The following LZTS3 variants were observed in gnomAD, a reference collection of about 807,000 sequenced individuals.
LZTS3 encodes leucine zipper tumor suppressor family member 3, also known as leucine zipper putative tumor suppressor 3.
LZTS3 carries 16 observed loss-of-function variants against 50.9 expected under a neutral mutation model. The ratio of observed to expected loss-of-function variants is 0.31; its 90% CI spans 0.21 to 0.48. LZTS3 has a LOEUF of 0.48. LZTS3 is among the 20% of genes least tolerant of loss of function. The probability of loss-of-function intolerance (pLI) is 0.99; values close to 1 mark genes in which losing one functional copy is unlikely to be tolerated. For synonymous variants in LZTS3, 408 were observed against 410.6 expected (o/e 0.99, Z 0.08); for missense variants, 816 against 931.0 (o/e 0.88, Z 1.61).
At position 3,167,136 on chromosome 20, in the gene LZTS3, G is replaced by A. The variant is rs536815584; in HGVS notation, c.28C>T (p.Arg10Cys). 59 of 1,491,690 alleles carry A rather than the reference G, an allele frequency of 4.0e-5. No homozygotes were observed. Among genetic ancestry groups the A allele is most frequent in the South Asian group, 1.4e-4 (10 of 73,588 alleles). 92.4% of individuals were successfully genotyped at this position (1,491,690 alleles called of 1,614,324 possible). A position where few individuals can be genotyped will look rare whatever the true frequency, so the allele number is the denominator to read the frequency against. The change falls in exon 3 of 5, where the codon CGC becomes TGC. Residue 10 changes from arginine to cysteine, a missense_variant. Physicochemically the swap from Arg to Cys is radical, Grantham distance 180. Around this residue, in one of 3 missense-constraint regions of LZTS3, gnomAD observed 700 missense variants for 769.4 expected, o/e 0.91. Transcript: ENST00000337576. The part of the protein sequence containing the change: MAKLETLPV[R>C]ADPGRDPLLA... ...AGAGGATCCCGCCCTGGGTCAGCGC[G>A]CACAGGCAGCGTCTCCAGCTTCGCC...
intron 1 of LZTS3, among the ~76,000 whole-genome samples, chr20:3,172,862 C>A (rs897987519): frequency 2.0e-5 from 3 of 152,086 alleles, no homozygotes; most frequent in Non-Finnish European, 2.9e-5. Context: ...GCAGAGATAT[C>A]CAGAACTTCT....
In LZTS3 at chr20:3,164,170, G is replaced by T. The variant is rs1183324912; in HGVS notation, c.*284C>A. The T allele has an allele frequency of 5.3e-6, 2 of 378,588 alleles. No individual in the cohort carries two copies. The highest frequency in any genetic ancestry group is 4.7e-6 in the Non-Finnish European group (1 of 214,830). 23.5% of individuals were successfully genotyped at this position (378,588 alleles called of 1,614,324 possible). Reference sequence around the variant, plus strand: ...TGCTGCCTCCATCTCCAACAAGGGGGTGCCGAGAAAGGGAGCATGACTCCC... The same window carrying T: ...TGCTGCCTCCATCTCCAACAAGGGGTTGCCGAGAAAGGGAGCATGACTCCC... On this transcript the variant is annotated 3_prime_UTR_variant, in exon 5 of 5. Coordinates refer to ENST00000337576, the MANE Select transcript of LZTS3 (RefSeq NM_001365618.1).
At chr20:3,171,078 C>T (rs1004020435) in intron 1 of LZTS3, among the ~76,000 whole-genome samples, 1 of 152,182 alleles carries the variant, frequency 6.6e-6, no homozygotes, top group South Asian at 2.1e-4. Context: ...TAAACCTCAA[C>T]AGTGATCATG....
chr20:3,167,874 C>T lies in LZTS3; in HGVS notation c.-155G>A, dbSNP rs2066853265. On this transcript the variant is annotated 5_prime_UTR_variant, in exon 2 of 5. Transcript: ENST00000337576. ...AGGCCCGGTCTGCAGGGGCCATGTG[C>T]CTCACTCTCGCAGTCGGGGCTCGGC... 2 of 985,324 alleles carry T rather than the reference C, an allele frequency of 2.0e-6. No individual in the cohort carries two copies. Among genetic ancestry groups the T allele is most frequent in the Non-Finnish European group, 2.4e-6 (2 of 829,856 alleles). 61.0% of individuals were successfully genotyped at this position (985,324 alleles called of 1,614,324 possible).
chr20:3,167,137 C>A lies in LZTS3; in HGVS notation c.27G>T (p.Val9=). ...GAGGATCCCGCCCTGGGTCAGCGCG[C>A]ACAGGCAGCGTCTCCAGCTTCGCCA... MAKLETLP[V]RADPGRDPLL... Residue 9 remains valine, a synonymous_variant, in exon 3 of 5, where the codon GTG becomes GTT. Transcript: ENST00000337576. The A allele has an allele frequency of 6.7e-7, 1 of 1,492,310 alleles. No individual in the cohort carries two copies. The allele number at this position is 1,492,310 out of a possible 1,614,324, so 92.4% of individuals were successfully genotyped here.
Position 3,163,102 on chromosome 20 carries a change from G to C in LZTS3, c.*1352C>G, listed in dbSNP as rs1445071876. The C allele has an allele frequency of 6.5e-6, 1 of 152,680 alleles. No homozygotes were observed. Among genetic ancestry groups the C allele is most frequent in the Admixed American group, 6.5e-5 (1 of 15,288 alleles). The allele number at this position is 152,680 out of a possible 1,614,324, so 9.5% of individuals were successfully genotyped here. On this transcript the variant is annotated 3_prime_UTR_variant, in exon 5 of 5. Transcript: ENST00000337576. The surrounding 1 kb of genome is among the most constrained non-coding windows in gnomAD (Gnocchi z 5.2). ...CCAAAACTCAGTCTTGGGGGTGGGA[G>C]GAAGAGAGTGAAAAAGAGAGAGATA...
Position 3,166,319 on chromosome 20 carries a change from G to A in LZTS3, c.501C>T (p.Val167=), listed in dbSNP as rs201603102. Residue 167 remains valine (V), a synonymous_variant, in exon 4 of 5, where the codon GTC becomes GTT. Transcript: ENST00000337576. ...PLVRPSAFKP[V]VPKNFHSMQN... is the part of the protein sequence containing the mutation. Reference sequence around the variant, plus strand: ...GCATGGAGTGGAAATTCTTGGGTACGACAGGCTTGAAGGCCGACGGCCGAA... The same window carrying A: ...GCATGGAGTGGAAATTCTTGGGTACAACAGGCTTGAAGGCCGACGGCCGAA... 471 of 1,613,744 alleles carry A rather than the reference G, an allele frequency of 2.9e-4. No individual in the cohort carries two copies. The highest frequency in any genetic ancestry group is 3.5e-4 in the Non-Finnish European group (415 of 1,179,832).
chr20:3,166,477 C>G (rs2066823333), intron 3 of LZTS3, 117 bp from the exon 4 acceptor site: 12 of 1,320,868 alleles, frequency 9.1e-6, no homozygotes, highest in Non-Finnish European at 1.2e-5. Flanking sequence ...GGATTTCCAC[C>G]CTGAGGTTCC....
chr20:3,172,523 A>G (rs1200234583), intron 1 of LZTS3, among the ~76,000 whole-genome samples: 1 of 151,992 alleles, frequency 6.6e-6, no homozygotes, highest in African/African-American at 2.4e-5. Context: ...ATGCTTCTAG[A>G]CCAGTTCAAA....
Position 3,164,898 on chromosome 20 carries a change from C to A in LZTS3, c.1578G>T (p.Pro526=). 1 of 1,551,726 alleles carries A rather than the reference C, an allele frequency of 6.4e-7. No individual in the cohort carries two copies. The highest frequency in any genetic ancestry group is 8.7e-7 in the Non-Finnish European group (1 of 1,155,054). Residue 526 remains proline, a synonymous_variant, in exon 5 of 5, where the codon CCG becomes CCT. Transcript: ENST00000337576. ...TGGCCAGAGCATCCTGTGGCTCGGC[C>A]GGGTCCACGGGGGTCAGCGCCGGCT... ...CLKPALTPVD[P]AEPQDALATC...
chr20:3,165,392 T>A lies in LZTS3; in HGVS notation c.1323+105A>T, dbSNP rs73892828. 4 of 832,474 alleles carry A rather than the reference T, an allele frequency of 4.8e-6. No homozygotes were observed. The highest frequency in any genetic ancestry group is 4.1e-5 in the African/African-American group (2 of 48,964). 51.6% of individuals were successfully genotyped at this position (832,474 alleles called of 1,614,324 possible). A position where few individuals can be genotyped will look rare whatever the true frequency, so the allele number is the denominator to read the frequency against. On this transcript the variant is annotated intron_variant, in intron 4 of 4. Transcript: ENST00000337576. The surrounding 1 kb of genome is among the most constrained non-coding windows in gnomAD (Gnocchi z 5.0). Reference sequence around the variant, plus strand: ...ATTTTTGTCCCCCCTGCTCCTTTCATCCCCCCCCCCATCCCACCGTTATGA... The same window carrying A: ...ATTTTTGTCCCCCCTGCTCCTTTCAACCCCCCCCCCATCCCACCGTTATGA...
chr20:3,167,856 G>A lies in LZTS3; in HGVS notation c.-137C>T. On this transcript the variant is annotated 5_prime_UTR_variant, in exon 2 of 5. Coordinates refer to ENST00000337576, the MANE Select transcript of LZTS3 (RefSeq NM_001365618.1). The stretch of plus-strand genomic sequence containing the variant: ...CAAGCCTGGGACCCTCCGAGGCCCG[G>A]TCTGCAGGGGCCATGTGCCTCACTC... 1.0e-6 allele frequency: 1 copy of A among 985,454 alleles called. No homozygotes were observed. Among genetic ancestry groups the A allele is most frequent in the South Asian group, 4.7e-5 (1 of 21,290 alleles). 61.0% of individuals were successfully genotyped at this position (985,454 alleles called of 1,614,324 possible). A position where few individuals can be genotyped will look rare whatever the true frequency, so the allele number is the denominator to read the frequency against.
chr20:3,170,796 CAAAT>C lies in LZTS3; in HGVS notation c.-243+2655_-243+2658del, dbSNP rs533651769. ...TGACAGAGCAAGACTCCCTCTCAAA[CAAAT>C]AAACAAAACAGAACAAAAAAAGTGG... On this transcript the variant is annotated intron_variant, in intron 1 of 4. Coordinates refer to ENST00000337576, the MANE Select transcript of LZTS3 (RefSeq NM_001365618.1). Among the ~76,000 whole-genome samples the C allele has an allele frequency of 6.9e-3, 1,044 of 152,124 alleles. 4 individuals carry two copies. Among genetic ancestry groups the C allele is most frequent in the Non-Finnish European group, 8.6e-3 (587 of 67,990 alleles).
In LZTS3 at chr20:3,165,753, C is replaced by T. The variant is rs1233693206; in HGVS notation, c.1067G>A (p.Arg356Gln). 7.6e-6 allele frequency: 12 copies of T among 1,576,782 alleles called. No homozygotes were observed. The highest frequency in any genetic ancestry group is 1.0e-5 in the Non-Finnish European group (12 of 1,168,810). Residue 356 changes from arginine to glutamine, a missense_variant, in exon 4 of 5, where the codon CGG becomes CAG. By Grantham distance (43) the Arg-to-Gln change is conservative (BLOSUM62 1). This residue lies in a region of LZTS3 where 700 missense variants were observed against 769.4 expected (regional missense o/e 0.91). Transcript: ENST00000337576. The surrounding 1 kb of genome is among the most constrained non-coding windows in gnomAD (Gnocchi z 5.0). ...CAGCTCCCGCTCCCACGCCTTCTGC[C>T]GCTCCTCCAGTACCTGGGCCACAGC... ...EAAVAQVLEERQKAWERELAE... is the reference protein window; with the variant it reads ...EAAVAQVLEEQQKAWERELAE...
rs780668328 is a variant in LZTS3, at chr20:3,167,118, C to A, written c.46G>T (p.Asp16Tyr). Residue 16 changes from aspartate to tyrosine, a missense_variant, in exon 3 of 5, where the codon GAT becomes TAT. Physicochemically the swap from Asp to Tyr is radical, Grantham distance 160. Around this residue, in one of 3 missense-constraint regions of LZTS3, gnomAD observed 700 missense variants for 769.4 expected, o/e 0.91. Coordinates refer to ENST00000337576, the MANE Select transcript of LZTS3 (RefSeq NM_001365618.1). ...CGTGGGGCAAAGGCCAGGAGAGGAT[C>A]CCGCCCTGGGTCAGCGCGCACAGGC... Reference protein sequence around the residue: ...TLPVRADPGRDPLLAFAPRPS... With the variant: ...TLPVRADPGRYPLLAFAPRPS... The A allele has an allele frequency of 6.6e-7, 1 of 1,508,602 alleles. No homozygotes were observed. The highest frequency in any genetic ancestry group is 8.8e-7 in the Non-Finnish European group (1 of 1,131,606). 93.5% of individuals were successfully genotyped at this position (1,508,602 alleles called of 1,614,324 possible).
At position 3,163,849 on chromosome 20, in the gene LZTS3, CTG is replaced by C. The variant is rs2066764882; in HGVS notation, c.*603_*604del. 1 of 152,452 alleles carries C rather than the reference CTG, an allele frequency of 6.6e-6. No homozygotes were observed. The allele number at this position is 152,452 out of a possible 1,614,324, so 9.4% of individuals were successfully genotyped here. On this transcript the variant is annotated 3_prime_UTR_variant, in exon 5 of 5. Transcript: ENST00000337576. The surrounding 1 kb of genome is among the most constrained non-coding windows in gnomAD (Gnocchi z 5.2). ...CACACACTCACAACCAGGCCAGGCTCTGAGGCCTGAGTCCAAGAGATCTTGTT... is the reference window on the plus strand; with the variant it reads ...CACACACTCACAACCAGGCCAGGCTCAGGCCTGAGTCCAAGAGATCTTGTT...
chr20:3,166,765 C>T lies in LZTS3; in HGVS notation c.399G>A (p.Pro133=), dbSNP rs138695309. The T allele has an allele frequency of 1.8e-3, 2,914 of 1,613,780 alleles. 4 individuals carry two copies. Among genetic ancestry groups the T allele is most frequent in the Non-Finnish European group, 2.3e-3 (2,669 of 1,180,034 alleles). The change falls in exon 3 of 5, where the codon CCG becomes CCA. Residue 133 remains proline, a synonymous_variant. Coordinates refer to ENST00000337576, the MANE Select transcript of LZTS3 (RefSeq NM_001365618.1). The part of the protein sequence containing the change: ...SSSGGSDKAP[P]QYREPSHPPK... ...GTGGGTGGCTGGGCTCACGATACTG[C>T]GGTGGGGCTTTGTCACTGCCACCAC...
In LZTS3 at chr20:3,165,403, A is replaced by G; in HGVS notation, c.1323+94T>C. 1 of 699,234 alleles carries G rather than the reference A, an allele frequency of 1.4e-6. No individual in the cohort carries two copies. The highest frequency in any genetic ancestry group is 2.0e-6 in the Non-Finnish European group (1 of 500,192). The allele number at this position is 699,234 out of a possible 1,614,324, so 43.3% of individuals were successfully genotyped here. A position where few individuals can be genotyped will look rare whatever the true frequency, so the allele number is the denominator to read the frequency against. Reference sequence around the variant, plus strand: ...CCCTGCTCCTTTCATCCCCCCCCCCATCCCACCGTTATGATAGTGAGGGGC... The same window carrying G: ...CCCTGCTCCTTTCATCCCCCCCCCCGTCCCACCGTTATGATAGTGAGGGGC... On this transcript the variant is annotated intron_variant, in intron 4 of 4. Transcript: ENST00000337576. This position sits in a 1 kb window ranked among gnomAD's most constrained non-coding sequence, Gnocchi z 5.0.
rs555460840 is a variant in LZTS3, at chr20:3,169,118, G to A, written c.-242-1157C>T. 8.5e-5 allele frequency among the ~76,000 whole-genome samples: 13 copies of A among 152,266 alleles called. No individual in the cohort carries two copies. In the East Asian group the frequency reaches 2.1e-3, roughly 25 times the overall value. ...TAAGCAAGGGCCAGGACTAGGATGA[G>A]GACAGAGAGCCACGTAGGGCACAAA... is the stretch of plus-strand genomic sequence containing the variant. On this transcript the variant is annotated intron_variant, in intron 1 of 4. Transcript: ENST00000337576.
Sources: allele counts gnomAD v4.1 joint callset (sites outside exome capture counted in the v4.1 genomes callset), GRCh38; gene constraint gnomAD v4.1.1; regional missense constraint gnomAD v4.1.1; non-coding constraint Gnocchi (gnomAD v3.1); transcripts MANE v1.5; gene names NCBI Gene and HGNC (gene_info 2026-07-23, HGNC 2026-07-21).